The following KIRREL3 variants were observed in gnomAD, a reference collection of about 807,000 sequenced individuals.
KIRREL3 encodes the protein kin of IRRE-like protein 3.
In KIRREL3, 36 loss-of-function variants were observed where a neutral mutation model predicts 89.7. The ratio of observed to expected loss-of-function variants is 0.40; its 90% CI spans 0.31 to 0.53. KIRREL3 has a LOEUF of 0.53. Ranked by LOEUF, KIRREL3 falls within the 20% of genes least tolerant of loss-of-function variation. The probability of loss-of-function intolerance (pLI) is 0.49; values close to 1 mark genes in which losing one functional copy is unlikely to be tolerated. For synonymous variants in KIRREL3, 445 were observed against 441.4 expected, an observed-to-expected ratio of 1.01 and a Z score of -0.10; for missense variants, 864 against 1,056.6, an observed-to-expected ratio of 0.82 and a Z score of 2.53.
In KIRREL3 at chr11:126,918,366, T is replaced by G. The variant is rs1004890176; in HGVS notation, c.55+82089A>C. Among the ~76,000 whole-genome samples the G allele has an allele frequency of 6.6e-6, 1 of 152,202 alleles. No individual in the cohort carries two copies. The highest frequency in any genetic ancestry group is 2.4e-5 in the African/African-American group (1 of 41,448). ...CCTCCCCCTGCATTTATTTTGGCAA[T>G]TTGGTGCCGAATATTTACGACAGTG... On this transcript the variant is annotated intron_variant, in intron 1 of 16. Transcript: ENST00000525144. This position sits in a 1 kb window ranked among gnomAD's most constrained non-coding sequence, Gnocchi z 6.5.
In KIRREL3 at chr11:126,516,157, G is replaced by T. The variant is rs1016997626; in HGVS notation, c.433+5158C>A. Among the ~76,000 whole-genome samples the T allele has an allele frequency of 4.6e-5, 7 of 152,172 alleles. No homozygotes were observed. Among genetic ancestry groups the T allele is most frequent in the Admixed American group, 3.9e-4 (6 of 15,268 alleles). ...CTGTTTTCCTCTCTCAGTATTTGGG[G>T]CTTGACATCATTTAAAAAGATGCCC... On this transcript the variant is annotated intron_variant, in intron 4 of 16. Coordinates refer to ENST00000525144, the MANE Select transcript of KIRREL3 (RefSeq NM_032531.4). The surrounding 1 kb of genome is among the most constrained non-coding windows in gnomAD (Gnocchi z 4.9).
At chr11:126,789,019 C>T (rs2134352351) in intron 1 of KIRREL3, among the ~76,000 whole-genome samples, 1 of 152,234 alleles carries the variant, frequency 6.6e-6, no homozygotes, top group Non-Finnish European at 1.5e-5. Context: ...CCTTCCTGCT[C>T]CCATAAATGT....
At chr11:126,613,895 T>TTTTGA (rs1943240375) in intron 1 of KIRREL3, among the ~76,000 whole-genome samples, 1 of 104,836 alleles carries the variant, frequency 9.5e-6, no homozygotes, top group African/African-American at 3.5e-5. Flanking sequence ...TTTTTTTTTA[T>TTTTGA]TTTTTTCCCC....
Position 126,519,862 on chromosome 11 carries a change from G to A in KIRREL3, c.433+1453C>T, listed in dbSNP as rs1472846281. The stretch of plus-strand genomic sequence containing the variant: ...TTTTAGTCACCGTCTTGGGAGAAAT[G>A]AGAACGGCGCTGCTGCCTTTAATAC... On this transcript the variant is annotated intron_variant, in intron 4 of 16. Transcript: ENST00000525144. The surrounding 1 kb of genome is among the most constrained non-coding windows in gnomAD (Gnocchi z 4.3). Among the ~76,000 whole-genome samples the A allele has an allele frequency of 1.3e-5, 2 of 152,184 alleles. No individual in the cohort carries two copies. Among genetic ancestry groups the A allele is most frequent in the Non-Finnish European group, 2.9e-5 (2 of 68,048 alleles).
intron 7 of KIRREL3, among the ~76,000 whole-genome samples, chr11:126,453,321 A>T (rs1956244578): frequency 6.6e-6 from 1 of 152,032 alleles, no homozygotes. Flanking sequence ...AAGGGCCCCA[A>T]AGCACTTTGG....
At chr11:126,825,187 A>G (rs1454736225) in intron 1 of KIRREL3, among the ~76,000 whole-genome samples, 1 of 152,176 alleles carries the variant, frequency 6.6e-6, no homozygotes, top group African/African-American at 2.4e-5. Context: ...TATGTAGACC[A>G]ATCAAAACGA....
In KIRREL3 at chr11:126,541,585, T is replaced by A. The variant is rs185436023; in HGVS notation, c.134-14898A>T. On this transcript the variant is annotated intron_variant, in intron 2 of 16. Transcript: ENST00000525144. This position sits in a 1 kb window ranked among gnomAD's most constrained non-coding sequence, Gnocchi z 4.8. ...CAGAGACGGTTCTAAAACTTCCATG[T>A]GCATGAGGATCACCTGGGGGACTGG... 6.6e-6 allele frequency among the ~76,000 whole-genome samples: 1 copy of A among 152,364 alleles called. No individual in the cohort carries two copies. Among genetic ancestry groups the A allele is most frequent in the East Asian group, 1.9e-4 (1 of 5,194 alleles).
intron 2 of KIRREL3, among the ~76,000 whole-genome samples, chr11:126,547,686 C>T (rs1938921285): frequency 6.6e-6 from 1 of 152,146 alleles, no homozygotes; most frequent in African/African-American, 2.4e-5. Flanking sequence ...AGAGGGGCCG[C>T]CTGAGTGGCG....
chr11:126,593,507 C>G (rs1226511580), intron 1 of KIRREL3, among the ~76,000 whole-genome samples: 1 of 152,186 alleles, frequency 6.6e-6, no homozygotes, highest in Admixed American at 6.5e-5. Context: ...GCTGTGACCC[C>G]CTCTGGGTAC....
In KIRREL3 at chr11:126,563,850, A is replaced by G. The variant is rs1428599663; in HGVS notation, c.56-938T>C. Among the ~76,000 whole-genome samples the G allele has an allele frequency of 6.6e-6, 1 of 152,176 alleles. No homozygotes were observed. Among genetic ancestry groups the G allele is most frequent in the East Asian group, 1.9e-4 (1 of 5,202 alleles). On this transcript the variant is annotated intron_variant, in intron 1 of 16. Transcript: ENST00000525144. This position sits in a 1 kb window ranked among gnomAD's most constrained non-coding sequence, Gnocchi z 6.8. ...TTTATGGATCCTGAAGCAATAGCAC[A>G]CTAATTTTTTTGACCCCCCTCTACC...
intron 1 of KIRREL3, among the ~76,000 whole-genome samples, chr11:126,730,010 C>T (rs368288418): frequency 5.9e-5 from 9 of 152,158 alleles, no homozygotes; most frequent in African/African-American, 2.2e-4. Flanking sequence ...CTGGGACACC[C>T]TCCTCCGGAG....
intron 10 of KIRREL3, among the ~76,000 whole-genome samples, chr11:126,444,536 T>C (rs1389263399): frequency 2.0e-5 from 3 of 152,160 alleles, no homozygotes; most frequent in Non-Finnish European, 2.9e-5. Flanking sequence ...GAGGTTGCAG[T>C]GAGCTGAGAT....
At position 126,645,993 on chromosome 11, in the gene KIRREL3, C is replaced by G. The variant is rs1192313620; in HGVS notation, c.56-83081G>C. Reference sequence around the variant, plus strand: ...GCACTCGGAATGATGTACGAGTACTCTTGTCCTCAAAATGATTCTTCATGA... The same window carrying G: ...GCACTCGGAATGATGTACGAGTACTGTTGTCCTCAAAATGATTCTTCATGA... On this transcript the variant is annotated intron_variant, in intron 1 of 16. Coordinates refer to ENST00000525144, the MANE Select transcript of KIRREL3 (RefSeq NM_032531.4). This position sits in a 1 kb window ranked among gnomAD's most constrained non-coding sequence, Gnocchi z 4.9. Among the ~76,000 whole-genome samples, 2 of 152,186 alleles carry G rather than the reference C, an allele frequency of 1.3e-5. No individual in the cohort carries two copies. Among genetic ancestry groups the G allele is most frequent in the Non-Finnish European group, 2.9e-5 (2 of 68,038 alleles).
chr11:126,536,154 A>T (rs1000613977), intron 2 of KIRREL3, among the ~76,000 whole-genome samples: 2 of 152,216 alleles, frequency 1.3e-5, no homozygotes, highest in African/African-American at 2.4e-5. Context: ...TTAGTTTTAC[A>T]GAATGTTGGA....
rs1321986049 is a variant in KIRREL3 at position 126,666,823 on chromosome 11, A to AC, written c.56-103912dup. Among the ~76,000 whole-genome samples the AC allele has an allele frequency of 6.6e-6, 1 of 152,140 alleles. No individual in the cohort carries two copies. The highest frequency in any genetic ancestry group is 1.5e-5 in the Non-Finnish European group (1 of 68,014). ...CACTGAGTTTCTCTGTTGATCAATC[A>AC]CCATTGCTGGTACAGGTATATTCAT... On this transcript the variant is annotated intron_variant, in intron 1 of 16. Transcript: ENST00000525144. This position sits in a 1 kb window ranked among gnomAD's most constrained non-coding sequence, Gnocchi z 4.2.
rs1940222044 is a variant in KIRREL3 at position 126,562,768 on chromosome 11, T to C, written c.133+67A>G. The C allele has an allele frequency of 3.7e-6, 5 of 1,342,444 alleles. No individual in the cohort carries two copies. In the African/African-American group the frequency reaches 5.8e-5, roughly 15 times the overall value. 83.2% of individuals were successfully genotyped at this position (1,342,444 alleles called of 1,614,324 possible). A position where few individuals can be genotyped will look rare whatever the true frequency, so the allele number is the denominator to read the frequency against. On this transcript the variant is annotated intron_variant, in intron 2 of 16. Transcript: ENST00000525144. The surrounding 1 kb of genome is among the most constrained non-coding windows in gnomAD (Gnocchi z 4.7). ...GTTCTTATTCCTGGTTCCTCTGTCC[T>C]GTGGCTGTAGGGGAGAGCTTCCTCC...
At position 126,908,327 on chromosome 11, in the gene KIRREL3, T is replaced by C. The variant is rs1327348522; in HGVS notation, c.55+92128A>G. Among the ~76,000 whole-genome samples the C allele has an allele frequency of 2.0e-5, 3 of 152,144 alleles. No homozygotes were observed. Among genetic ancestry groups the C allele is most frequent in the African/African-American group, 4.8e-5 (2 of 41,422 alleles). ...ATTTTGTCCAGCCAAGACTAAGAGA[T>C]CTTTATGATCATTTCGTCCAACCAA... On this transcript the variant is annotated intron_variant, in intron 1 of 16. Transcript: ENST00000525144. This position sits in a 1 kb window ranked among gnomAD's most constrained non-coding sequence, Gnocchi z 4.2.
At position 126,565,076 on chromosome 11, in the gene KIRREL3, G is replaced by T. The variant is rs1940418324; in HGVS notation, c.56-2164C>A. Among the ~76,000 whole-genome samples the T allele has an allele frequency of 6.6e-6, 1 of 152,206 alleles. No individual in the cohort carries two copies. Among genetic ancestry groups the T allele is most frequent in the Non-Finnish European group, 1.5e-5 (1 of 68,034 alleles). ...CCAAACTCAATCCAGGAGCTTGGGAGGGAGGCAGGGGAGCACTGAGTAGGG... is the reference window on the plus strand; with the variant it reads ...CCAAACTCAATCCAGGAGCTTGGGATGGAGGCAGGGGAGCACTGAGTAGGG... On this transcript the variant is annotated intron_variant, in intron 1 of 16. Coordinates refer to ENST00000525144, the MANE Select transcript of KIRREL3 (RefSeq NM_032531.4). This position sits in a 1 kb window ranked among gnomAD's most constrained non-coding sequence, Gnocchi z 5.4.
intron 1 of KIRREL3, among the ~76,000 whole-genome samples, chr11:126,741,288 T>C (rs4937181): frequency 0.056 from 8,551 of 152,314 alleles, 293 homozygotes; most frequent in Admixed American, 0.076. Flanking sequence ...GATATGGATA[T>C]TAATATGCAT....
Sources: allele counts gnomAD v4.1 joint callset (sites outside exome capture counted in the v4.1 genomes callset), GRCh38; gene constraint gnomAD v4.1.1; non-coding constraint Gnocchi (gnomAD v3.1); transcripts MANE v1.5; gene names NCBI Gene and HGNC (gene_info 2026-07-23, HGNC 2026-07-21).